GHRL: variants seen among roughly 807,000 people sequenced by gnomAD.
GHRL encodes ghrelin and obestatin prepropeptide.
A neutral mutation model predicts 16.9 loss-of-function variants in GHRL; 24 were observed. The ratio of observed to expected loss-of-function variants is 1.42; its 90% CI spans 1.03 to 2.00. The LOEUF (loss-of-function observed/expected upper bound fraction) is 2.00. Ranked by LOEUF, GHRL falls within the 30% of genes most tolerant of loss-of-function variation. GHRL has a pLI of 0.00. For synonymous variants in GHRL, 63 were observed against 58.2 expected (o/e 1.08, Z -0.37); for missense variants, 193 against 142.1 (o/e 1.36, Z -1.82).
At position 10,290,984 on chromosome 3, in the gene GHRL, C is replaced by T. The variant is rs551242648; in HGVS notation, c.-298G>A. 1.4e-5 allele frequency: 14 copies of T among 985,726 alleles called. No individual in the cohort carries two copies. In the East Asian group the frequency reaches 1.6e-3, roughly 112 times the overall value. The allele number at this position is 985,726 out of a possible 1,614,324, so 61.1% of individuals were successfully genotyped here. A position where few individuals can be genotyped will look rare whatever the true frequency, so the allele number is the denominator to read the frequency against. On this transcript the variant is annotated 5_prime_UTR_variant, in exon 2 of 6. An upstream start codon of the reference 5' UTR is lost. Coordinates refer to ENST00000335542, the MANE Select transcript of GHRL (RefSeq NM_016362.5). The stretch of plus-strand genomic sequence containing the variant: ...ACGGTGGCGGGGTGCCCCAAGTGGG[C>T]ATGGCCCTGGTGGAGGAGGGAGGGA...
chr3:10,290,436 G>T, intron 2 of GHRL: 1 of 485,370 alleles, frequency 2.1e-6, no homozygotes, highest in Non-Finnish European at 3.7e-6. Flanking sequence ...CTTGATAGGG[G>T]CTGGGGGTCC....
Position 10,289,889 on chromosome 3 carries a change from G to T in GHRL, c.109-11C>A. 6.3e-7 allele frequency: 1 copy of T among 1,595,734 alleles called. No individual in the cohort carries two copies. The highest frequency in any genetic ancestry group is 8.6e-7 in the Non-Finnish European group (1 of 1,164,716). On this transcript the variant is annotated splice_polypyrimidine_tract_variant and intron_variant, in intron 3 of 5. Transcript: ENST00000335542. ...CGACTCCTTTCTCTGCTGGAAGGGG[G>T]AAACAGTCTGTTTAGGACTCTAAGC...
rs761310643 is a variant in GHRL at position 10,289,865 on chromosome 3, G to A, written c.122C>T (p.Ser41Leu). Residue 41 changes from serine (S) to leucine (L), a missense_variant, in exon 4 of 6, where the codon TCG becomes TTG. By Grantham distance (145) the Ser-to-Leu change is moderately radical. Coordinates refer to ENST00000335542, the MANE Select transcript of GHRL (RefSeq NM_016362.5). ...CTGCAGCTTGGCTGGTGGCTTCTTC[G>A]ACTCCTTTCTCTGCTGGAAGGGGGA... ...EHQRVQQRKE[S>L]KKPPAKLQPR... The A allele has an allele frequency of 1.9e-6, 3 of 1,612,536 alleles. No homozygotes were observed. The highest frequency in any genetic ancestry group is 1.7e-4 in the Middle Eastern group (1 of 6,056).
Position 10,291,382 on chromosome 3 carries a change from C to CT in GHRL, c.-697dup, listed in dbSNP as rs1286702952. 1.0e-6 allele frequency: 1 copy of CT among 985,416 alleles called. No individual in the cohort carries two copies. The highest frequency in any genetic ancestry group is 1.7e-5 in the African/African-American group (1 of 57,248). 61.0% of individuals were successfully genotyped at this position (985,416 alleles called of 1,614,324 possible). On this transcript the variant is annotated 5_prime_UTR_variant, in exon 2 of 6. The change creates a premature stop within an existing upstream ORF in the 5' untranslated region. Coordinates refer to ENST00000335542, the MANE Select transcript of GHRL (RefSeq NM_016362.5). Reference sequence around the variant, plus strand: ...GGCGTTTTTTCACATAGCAGCTTGCCTTGCCTCCCTCCAGCAGCTTTGGTC... The same window carrying CT: ...GGCGTTTTTTCACATAGCAGCTTGCCTTTGCCTCCCTCCAGCAGCTTTGGTC...
chr3:10,290,809 G>A lies in GHRL; in HGVS notation c.-123C>T. 23 of 987,746 alleles carry A rather than the reference G, an allele frequency of 2.3e-5. No homozygotes were observed. Among genetic ancestry groups the A allele is most frequent in the Non-Finnish European group, 2.8e-5 (23 of 831,416 alleles). The allele number at this position is 987,746 out of a possible 1,614,324, so 61.2% of individuals were successfully genotyped here. A position where few individuals can be genotyped will look rare whatever the true frequency, so the allele number is the denominator to read the frequency against. On this transcript the variant is annotated 5_prime_UTR_variant, in exon 2 of 6. Transcript: ENST00000335542. ...CTAAACCAGCAACCCCATCCCAGAG[G>A]TGGCCTAGCTTCCGTGGGGCTGATG... is the stretch of plus-strand genomic sequence containing the variant.
In GHRL at chr3:10,289,788, C is replaced by T. The variant is rs1319040053; in HGVS notation, c.199G>A (p.Gly67Arg). The change falls in exon 4 of 6, where the codon GGG becomes AGG. Residue 67 changes from glycine to arginine, a missense_variant. Gly to Arg is a moderately radical substitution (Grantham distance 125, BLOSUM62 -2). Coordinates refer to ENST00000335542, the MANE Select transcript of GHRL (RefSeq NM_016362.5). Reference protein sequence around the residue: ...LRPEDGGQAEGAEDELEVRFN... With the variant: ...LRPEDGGQAERAEDELEVRFN... ...CGGACTTCCAGTTCATCCTCTGCCCCTTCTGCTTGACCTCCATCTTCCGGG... is the reference window on the plus strand; with the variant it reads ...CGGACTTCCAGTTCATCCTCTGCCCTTTCTGCTTGACCTCCATCTTCCGGG... 2 of 1,611,684 alleles carry T rather than the reference C, an allele frequency of 1.2e-6. No individual in the cohort carries two copies. Among genetic ancestry groups the T allele is most frequent in the Non-Finnish European group, 1.7e-6 (2 of 1,178,018 alleles).
chr3:10,291,771 C>G (rs1285151111), intron 1 of GHRL, among the ~76,000 whole-genome samples: 1 of 152,182 alleles, frequency 6.6e-6, no homozygotes, highest in Non-Finnish European at 1.5e-5. Context: ...CAGAGAAGTT[C>G]TAGCAGTTCA....
rs777169175 is a variant in GHRL, at chr3:10,290,131, C to T, written c.50G>A (p.Trp17Ter). ...GGAGCCTGCCATGGCCAAGTCCAGCCAGAGCATGCCGAGGAGCAGGAGGCT... is the reference window on the plus strand; with the variant it reads ...GGAGCCTGCCATGGCCAAGTCCAGCTAGAGCATGCCGAGGAGCAGGAGGCT... ...VCSLLLLGML[W>*]LDLAMAGSSF... is the part of the protein sequence containing the mutation. The change falls in exon 3 of 6, where the codon TGG (tryptophan) becomes TAG (stop). Residue 17 changes from tryptophan (W) to a stop codon, truncating the protein, a stop_gained. Coordinates refer to ENST00000335542, the MANE Select transcript of GHRL (RefSeq NM_016362.5). LOFTEE classifies it high-confidence loss of function. The T allele has an allele frequency of 9.3e-6, 15 of 1,613,456 alleles. No individual in the cohort carries two copies. The South Asian group carries it at 1.5e-4, about 17-fold the overall frequency.
chr3:10,291,488 C>G, intron 1 of GHRL, 37 bp from the exon 2 acceptor site: 1 of 984,802 alleles, frequency 1.0e-6, no homozygotes, highest in Non-Finnish European at 1.2e-6. Flanking sequence ...ACGGGCCTGG[C>G]TCCTCTCTCA....
rs1407547606 is a variant in GHRL, at chr3:10,289,890, AAACAGTCTGTTTAGGACTCT to A, written c.109-32_109-13del. ...GACTCCTTTCTCTGCTGGAAGGGGG[AAACAGTCTGTTTAGGACTCT>A]AAGCCCCCATGTCCTTCCAGAAACA... On this transcript the variant is annotated splice_polypyrimidine_tract_variant and intron_variant, in intron 3 of 5. Transcript: ENST00000335542. The A allele has an allele frequency of 6.3e-7, 1 of 1,595,838 alleles. No homozygotes were observed. The highest frequency in any genetic ancestry group is 1.1e-5 in the South Asian group (1 of 90,210).
chr3:10,288,213 GA>G, intron 4 of GHRL: 1 of 152,278 alleles, frequency 6.6e-6, no homozygotes, highest in South Asian at 2.1e-4. Flanking sequence ...CTTCTACTCT[GA>G]AACTTGATTT....
chr3:10,291,645 G>A (rs1000408195), intron 1 of GHRL, among the ~76,000 whole-genome samples, 194 bp from the exon 2 acceptor site: 2 of 152,218 alleles, frequency 1.3e-5, no homozygotes, highest in Admixed American at 6.5e-5. Flanking sequence ...GGACTTCCCA[G>A]CATAGGCCAA....
rs139997338 is a variant in GHRL at position 10,289,763 on chromosome 3, C to A, written c.224G>T (p.Arg75Leu). 1.3e-6 allele frequency: 2 copies of A among 1,586,802 alleles called. No individual in the cohort carries two copies. Among genetic ancestry groups the A allele is most frequent in the East Asian group, 2.2e-5 (1 of 44,730 alleles). ...GCATAAAACTGCAGAGGTACCGACC[C>A]GGACTTCCAGTTCATCCTCTGCCCC... ...AEGAEDELEV[R>L]FNAPFDVGIK... Residue 75 changes from arginine to leucine, a missense_variant and splice_region_variant, in exon 4 of 6, where the codon CGG becomes CTG. Arg to Leu is a moderately radical substitution (Grantham distance 102, BLOSUM62 -2). Transcript: ENST00000335542.
Position 10,292,896 on chromosome 3 carries a change from C to G in GHRL, c.-820G>C. On this transcript the variant is annotated 5_prime_UTR_variant, in exon 1 of 6. Transcript: ENST00000335542. The stretch of plus-strand genomic sequence containing the variant: ...CTGCCAATGTTGATCTTAGATAAGA[C>G]CACCAGCAAGTAAACATCCACTGTG... 1 of 1,548,428 alleles carries G rather than the reference C, an allele frequency of 6.5e-7. No individual in the cohort carries two copies.
chr3:10,286,030 C>A, intron 5 of GHRL, 136 bp from the exon 6 acceptor site: 1 of 766,546 alleles, frequency 1.3e-6, no homozygotes, highest in South Asian at 1.6e-5. Context: ...CAGAGGGCGG[C>A]ACTCAAGTGT....
chr3:10,287,542 T>C (rs1411220191), intron 4 of GHRL: 1 of 153,808 alleles, frequency 6.5e-6, no homozygotes, highest in Non-Finnish European at 1.5e-5. Context: ...GCAGAGATTG[T>C]CTCTGCCAGT....
In GHRL at chr3:10,287,621, T is replaced by A. The variant is rs1364319818; in HGVS notation, c.226-809A>T. The A allele has an allele frequency of 2.6e-5, 4 of 153,866 alleles. No homozygotes were observed. The East Asian group carries it at 7.7e-4, about 30-fold the overall frequency. The allele number at this position is 153,866 out of a possible 1,614,324, so 9.5% of individuals were successfully genotyped here. A position where few individuals can be genotyped will look rare whatever the true frequency, so the allele number is the denominator to read the frequency against. Reference sequence around the variant, plus strand: ...GTCAGGGAAGGATCTTAGTGCTGGGTCATTTGGTCCTCACAGTAGAAGCCC... The same window carrying A: ...GTCAGGGAAGGATCTTAGTGCTGGGACATTTGGTCCTCACAGTAGAAGCCC... On this transcript the variant is annotated intron_variant, in intron 4 of 5. Transcript: ENST00000335542.
intron 1 of GHRL, among the ~76,000 whole-genome samples, chr3:10,291,702 G>A (rs1700042958): frequency 1.3e-5 from 2 of 152,228 alleles, no homozygotes; most frequent in South Asian, 4.1e-4. Context: ...TTCCTTTCTG[G>A]AGTGCTTCAT....
At chr3:10,286,275 A>C (rs1460442306) in intron 5 of GHRL, among the ~76,000 whole-genome samples, 1 of 152,204 alleles carries the variant, frequency 6.6e-6, no homozygotes, top group Non-Finnish European at 1.5e-5. Context: ...TAACTCAGGA[A>C]GCTCTAATAT....
Sources: allele counts gnomAD v4.1 joint callset (sites outside exome capture counted in the v4.1 genomes callset), GRCh38; gene constraint gnomAD v4.1.1; transcripts MANE v1.5; gene names NCBI Gene and HGNC (gene_info 2026-07-23, HGNC 2026-07-21).